Variants in PLCB1 observed in about 807,000 individuals in gnomAD.
The protein encoded by PLCB1 is phospholipase C beta 1, also known as 1-phosphatidylinositol 4,5-bisphosphate phosphodiesterase beta-1.
In PLCB1, 46 loss-of-function variants were observed where a neutral mutation model predicts 161.8. The ratio of observed to expected loss-of-function variants is 0.28; its 90% CI spans 0.22 to 0.36. The LOEUF is 0.36. Ranked by LOEUF, PLCB1 falls within the 10% of genes least tolerant of loss-of-function variation. The pLI is 1.00. For missense variants in PLCB1, 1,016 were observed against 1,472.5 expected (o/e 0.69, Z 5.07); for synonymous variants, 517 against 503.7 (o/e 1.03, Z -0.35).
chr20:8,232,579 A>T (rs1980110811), intron 2 of PLCB1, among the ~76,000 whole-genome samples: 1 of 152,080 alleles, frequency 6.6e-6, no homozygotes, highest in Admixed American at 6.6e-5. Context: ...ACAGCTTTGG[A>T]GTCTCTCATT....
chr20:8,840,621 T>C (rs1372935439), intron 31 of PLCB1, among the ~76,000 whole-genome samples: 1 of 152,210 alleles, frequency 6.6e-6, no homozygotes. Flanking sequence ...TTGGCCTGCA[T>C]GCTTTCCTTT....
chr20:8,295,034 T>C (rs11905713), intron 2 of PLCB1, among the ~76,000 whole-genome samples: 1 of 152,252 alleles, frequency 6.6e-6, no homozygotes, highest in African/African-American at 2.4e-5. Context: ...ACGTGCAGTA[T>C]GATACATTAT....
chr20:8,267,919 GTT>G (rs1456264570), intron 2 of PLCB1, among the ~76,000 whole-genome samples: 1 of 151,838 alleles, frequency 6.6e-6, no homozygotes, highest in African/African-American at 2.4e-5. Context: ...AGTCTGATTG[GTT>G]GTGGGACAGG....
intron 3 of PLCB1, among the ~76,000 whole-genome samples, chr20:8,381,623 T>G (rs1426063957): frequency 6.6e-6 from 1 of 152,218 alleles, no homozygotes; most frequent in Non-Finnish European, 1.5e-5. Flanking sequence ...ATTTCAGAAC[T>G]TGTTATTGGT....
intron 2 of PLCB1, among the ~76,000 whole-genome samples, chr20:8,302,942 A>T (rs1226271128): frequency 6.6e-6 from 1 of 152,176 alleles, no homozygotes; most frequent in East Asian, 1.9e-4. Flanking sequence ...AAGATTGAAG[A>T]TGAAAATAGG....
intron 2 of PLCB1, among the ~76,000 whole-genome samples, chr20:8,204,882 T>C (rs1346643232): frequency 6.6e-6 from 1 of 152,190 alleles, no homozygotes; most frequent in Non-Finnish European, 1.5e-5. Flanking sequence ...CCTTAAATAA[T>C]AGGGTTCCCT....
intron 2 of PLCB1, among the ~76,000 whole-genome samples, chr20:8,275,250 A>AGTGTGTGTGTGTGTGTGT (rs3031931): frequency 3.4e-5 from 5 of 145,370 alleles, no homozygotes; most frequent in African/African-American, 1.0e-4. Context: ...CATCAGCGTG[A>AGTGTGTGTGTGTGTGTGT]GTGTGTGTGT....
chr20:8,646,252 C>A, intron 5 of PLCB1, 71 bp downstream of exon 5: 1 of 1,070,652 alleles, frequency 9.3e-7, no homozygotes, highest in South Asian at 1.3e-5. Flanking sequence ...CTTTGTGAGT[C>A]TTCCGTTTAT....
chr20:8,473,588 G>A (rs1304570540), intron 3 of PLCB1, among the ~76,000 whole-genome samples: 1 of 152,154 alleles, frequency 6.6e-6, no homozygotes, highest in African/African-American at 2.4e-5. Flanking sequence ...CATTTCAACA[G>A]GTGCCATTAG....
At chr20:8,207,497 T>C (rs1177905677) in intron 2 of PLCB1, among the ~76,000 whole-genome samples, 1 of 152,112 alleles carries the variant, frequency 6.6e-6, no homozygotes, top group Admixed American at 6.6e-5. Context: ...CTGTGGAAAG[T>C]CTGAAGGGAT....
At chr20:8,703,013 G>A (rs1389209011) in intron 11 of PLCB1, among the ~76,000 whole-genome samples, 3 of 152,162 alleles carry the variant, frequency 2.0e-5, no homozygotes, top group Non-Finnish European at 4.4e-5. Context: ...GGTGGACAGA[G>A]AGAGGAGGGA....
Position 8,628,657 on chromosome 20 carries a change from G to A in PLCB1, c.384+226G>A, listed in dbSNP as rs767410663. ...TTCATAAAGAATAAGCCATTTGGCC[G>A]GGCACGGTGGCTCATGCCTATAATC... On this transcript the variant is annotated intron_variant, in intron 4 of 31. Coordinates refer to ENST00000338037, the MANE Select transcript of PLCB1 (RefSeq NM_015192.4). 1.3e-4 allele frequency: 58 copies of A among 450,170 alleles called. No homozygotes were observed. In the Middle Eastern group the frequency reaches 2.0e-3, roughly 15 times the overall value. 27.9% of individuals were successfully genotyped at this position (450,170 alleles called of 1,614,324 possible).
At chr20:8,520,838 G>A (rs1984318947) in intron 3 of PLCB1, among the ~76,000 whole-genome samples, 1 of 152,094 alleles carries the variant, frequency 6.6e-6, no homozygotes, top group South Asian at 2.1e-4. Flanking sequence ...ATAGCCCAGG[G>A]CTTCTGCAAA....
intron 2 of PLCB1, among the ~76,000 whole-genome samples, chr20:8,293,434 A>C (rs1983473765): frequency 6.6e-6 from 1 of 152,144 alleles, no homozygotes; most frequent in South Asian, 2.1e-4. Flanking sequence ...TGTCATACAG[A>C]ACATTTGAAA....
Position 8,882,211 on chromosome 20 carries a change from T to C in PLCB1, c.*362T>C. On this transcript the variant is annotated 3_prime_UTR_variant, in exon 32 of 32. Coordinates refer to ENST00000338037, the MANE Select transcript of PLCB1 (RefSeq NM_015192.4). ...TTATTCGAAGCTCTGGTGTAAAATA[T>C]TTCAAAGTCATAGAAATAGTTTGAG... 4.5e-6 allele frequency: 1 copy of C among 220,568 alleles called. No individual in the cohort carries two copies. The highest frequency in any genetic ancestry group is 8.2e-5 in the South Asian group (1 of 12,226). The allele number at this position is 220,568 out of a possible 1,614,324, so 13.7% of individuals were successfully genotyped here. A position where few individuals can be genotyped will look rare whatever the true frequency, so the allele number is the denominator to read the frequency against.
chr20:8,227,300 G>T (rs2123174927), intron 2 of PLCB1, among the ~76,000 whole-genome samples: 1 of 152,284 alleles, frequency 6.6e-6, no homozygotes, highest in South Asian at 2.1e-4. Flanking sequence ...TCTTAGGATG[G>T]TGCGGCTTTG....
chr20:8,876,796 TCTC>T (rs985591429), intron 31 of PLCB1, among the ~76,000 whole-genome samples: 27 of 152,092 alleles, frequency 1.8e-4, no homozygotes, highest in Non-Finnish European at 3.1e-4. Flanking sequence ...GGGCCATGTG[TCTC>T]CTCTTCTGGC....
At chr20:8,153,783 A>C (rs185124419) in intron 2 of PLCB1, among the ~76,000 whole-genome samples, 81 of 152,282 alleles carry the variant, frequency 5.3e-4, no homozygotes, top group Non-Finnish European at 1.0e-3. Flanking sequence ...TTGTCTTCAT[A>C]AAACTGGAGC....
chr20:8,462,491 G>A (rs976176649), intron 3 of PLCB1, among the ~76,000 whole-genome samples: 7 of 152,170 alleles, frequency 4.6e-5, no homozygotes, highest in African/African-American at 1.4e-4. Flanking sequence ...TTGTAAGGCA[G>A]CTGTCTGCTT....
Sources: allele counts gnomAD v4.1 joint callset (sites outside exome capture counted in the v4.1 genomes callset), GRCh38; gene constraint gnomAD v4.1.1; transcripts MANE v1.5; gene names NCBI Gene and HGNC (gene_info 2026-07-23, HGNC 2026-07-21).